The following HRH1 variants were observed in gnomAD, a reference collection of about 807,000 sequenced individuals.
The protein encoded by HRH1 is histamine receptor H1.
In HRH1, 6 loss-of-function variants were observed where a neutral mutation model predicts 10.3. The observed-to-expected ratio is 0.58, with a 90% CI of 0.32 to 1.15. The LOEUF (loss-of-function observed/expected upper bound fraction) is 1.15. Ranked by LOEUF, HRH1 falls within the 50% of genes most tolerant of loss-of-function variation. HRH1 has a pLI of 0.05. For synonymous variants in HRH1, 242 were observed against 236.7 expected (o/e 1.02, Z -0.21); for missense variants, 514 against 615.3 (o/e 0.84, Z 1.74).
intron 1 of HRH1, among the ~76,000 whole-genome samples, chr3:11,148,676 C>T (rs1475873031): frequency 2.0e-5 from 3 of 152,154 alleles, no homozygotes; most frequent in African/African-American, 7.2e-5. Flanking sequence ...TCCCAGAAAT[C>T]ATCACAACAC....
chr3:11,256,659 C>T (rs1434430838), intron 1 of HRH1, among the ~76,000 whole-genome samples: 2 of 151,772 alleles, frequency 1.3e-5, no homozygotes, highest in South Asian at 2.1e-4. Context: ...ATTAGCTGGG[C>T]GTGGTGGTGG....
chr3:11,159,800 A>G (rs1168795100), intron 1 of HRH1, among the ~76,000 whole-genome samples: 2 of 152,174 alleles, frequency 1.3e-5, no homozygotes, highest in Admixed American at 6.5e-5. Flanking sequence ...AATGCAACTC[A>G]CCAGTGAGGC....
At chr3:11,228,126 C>T (rs940244154) in intron 1 of HRH1, among the ~76,000 whole-genome samples, 2 of 152,230 alleles carry the variant, frequency 1.3e-5, no homozygotes, top group Non-Finnish European at 2.9e-5. Flanking sequence ...GATTCATCTA[C>T]TTATTCATTC....
intron 1 of HRH1, among the ~76,000 whole-genome samples, chr3:11,190,283 G>A (rs1332078194): frequency 6.6e-6 from 1 of 151,978 alleles, no homozygotes; most frequent in Admixed American, 6.6e-5. Context: ...AGGCCAAGGC[G>A]GGAGGATTGT....
At chr3:11,230,957 A>G (rs1375394197) in intron 1 of HRH1, among the ~76,000 whole-genome samples, 1 of 152,210 alleles carries the variant, frequency 6.6e-6, no homozygotes, top group Admixed American at 6.5e-5. Context: ...AGTACAGAAG[A>G]GTTCCGTCAC....
chr3:11,184,908 A>G (rs1233619174), intron 1 of HRH1, among the ~76,000 whole-genome samples: 1 of 113,848 alleles, frequency 8.8e-6, no homozygotes, highest in Non-Finnish European at 1.8e-5. Flanking sequence ...ACAGAGCCAG[A>G]CTCCATTTCA....
chr3:11,260,406 G>A lies in HRH1; in HGVS notation c.1369G>A (p.Gly457Ser). ...EHLHMFTIWL[G>S]YINSTLNPLI... ...TTTGCACATGTTCACCATCTGGCTG[G>A]GCTACATCAACTCCACACTGAACCC... The change falls in exon 2 of 2, where the codon GGC becomes AGC. Residue 457 changes from glycine (G) to serine (S), a missense_variant. Transcript: ENST00000431010. 3 of 1,614,080 alleles carry A rather than the reference G, an allele frequency of 1.9e-6. No homozygotes were observed. Among genetic ancestry groups the A allele is most frequent in the Non-Finnish European group, 2.5e-6 (3 of 1,180,000 alleles).
At chr3:11,234,260 GA>G in intron 1 of HRH1, 3 of 1,550,592 alleles carry the variant, frequency 1.9e-6, no homozygotes, top group Non-Finnish European at 2.7e-6. Context: ...TCATTAACTT[GA>G]CCCCACCTCT....
At chr3:11,196,650 ATC>A (rs1308162584) in intron 1 of HRH1, among the ~76,000 whole-genome samples, 1 of 152,076 alleles carries the variant, frequency 6.6e-6, no homozygotes, top group Non-Finnish European at 1.5e-5. Flanking sequence ...TTGTTGAGTC[ATC>A]TCTCAGAGCC....
intron 1 of HRH1, among the ~76,000 whole-genome samples, chr3:11,240,252 G>A (rs1458411606): frequency 3.3e-5 from 5 of 151,976 alleles, no homozygotes; most frequent in Non-Finnish European, 7.4e-5. Context: ...CTACCTGGGG[G>A]CTTACAAAAT....
intron 1 of HRH1, among the ~76,000 whole-genome samples, chr3:11,230,012 T>C (rs998067712): frequency 6.6e-6 from 1 of 152,172 alleles, no homozygotes; most frequent in Middle Eastern, 3.4e-3. Context: ...GCTGGCCAGA[T>C]AGGGGGCTGT....
At chr3:11,199,065 A>G (rs1223672832) in intron 1 of HRH1, among the ~76,000 whole-genome samples, 1 of 152,026 alleles carries the variant, frequency 6.6e-6, no homozygotes, top group Non-Finnish European at 1.5e-5. Flanking sequence ...CTAGAATTAC[A>G]GGTGCATTCC....
At chr3:11,197,249 C>G (rs962288394) in intron 1 of HRH1, among the ~76,000 whole-genome samples, 1 of 152,098 alleles carries the variant, frequency 6.6e-6, no homozygotes, top group Non-Finnish European at 1.5e-5. Context: ...GTTAGGAGAC[C>G]CTTTTTTATG....
chr3:11,150,039 G>T (rs1013820855), upstream of HRH1, among the ~76,000 whole-genome samples: 1 of 152,206 alleles, frequency 6.6e-6, no homozygotes, highest in African/African-American at 2.4e-5. Flanking sequence ...CAGAGAGAAA[G>T]ATCAACTTAA....
rs192579904 is a variant in HRH1, at chr3:11,263,127, C to T, written c.*2626C>T. On this transcript the variant is annotated 3_prime_UTR_variant, in exon 2 of 2. Coordinates refer to ENST00000431010, the MANE Select transcript of HRH1 (RefSeq NM_001098212.2). Reference sequence around the variant, plus strand: ...TCTGCTCTTCGTACTCCTGTCTGAACGATGGAAATTAATTTTTGAATGTAT... The same window carrying T: ...TCTGCTCTTCGTACTCCTGTCTGAATGATGGAAATTAATTTTTGAATGTAT... 2.4e-5 allele frequency: 4 copies of T among 167,114 alleles called. No homozygotes were observed. Among genetic ancestry groups the T allele is most frequent in the Non-Finnish European group, 5.9e-5 (4 of 68,096 alleles). The allele number at this position is 167,114 out of a possible 1,614,324, so 10.4% of individuals were successfully genotyped here.
intron 1 of HRH1, among the ~76,000 whole-genome samples, chr3:11,175,950 G>A (rs1419327299): frequency 1.3e-5 from 2 of 152,100 alleles, no homozygotes; most frequent in Non-Finnish European, 2.9e-5. Flanking sequence ...TCTGAGCCCA[G>A]GAGTTCTAGA....
At chr3:11,251,640 G>A (rs570720614) in intron 1 of HRH1, among the ~76,000 whole-genome samples, 21 of 152,126 alleles carry the variant, frequency 1.4e-4, no homozygotes, top group South Asian at 6.2e-4. Context: ...TCTGGGGCAT[G>A]GGTTTTTTTC....
At chr3:11,182,231 C>T (rs145024155) in intron 1 of HRH1, among the ~76,000 whole-genome samples, 1 of 152,264 alleles carries the variant, frequency 6.6e-6, no homozygotes, top group African/African-American at 2.4e-5. Context: ...TCCACCCCGC[C>T]TTGGCCTCCC....
chr3:11,181,992 T>A (rs966811240), intron 1 of HRH1, among the ~76,000 whole-genome samples: 3 of 151,900 alleles, frequency 2.0e-5, no homozygotes, highest in African/African-American at 7.3e-5. Flanking sequence ...TTCTTTCTTT[T>A]ATGTTTCTGA....
Sources: allele counts gnomAD v4.1 joint callset (sites outside exome capture counted in the v4.1 genomes callset), GRCh38; gene constraint gnomAD v4.1.1; transcripts MANE v1.5; gene names NCBI Gene and HGNC (gene_info 2026-07-23, HGNC 2026-07-21).